RNF13: variants seen among roughly 807,000 people sequenced by gnomAD.
The protein encoded by RNF13 is ring finger protein 13.
In RNF13, 19 loss-of-function variants were observed where a neutral mutation model predicts 37.7. The observed-to-expected ratio is 0.50, with a 90% CI of 0.35 to 0.74. The LOEUF is 0.74. RNF13 is among the 30% of genes least tolerant of loss of function. The probability of loss-of-function intolerance (pLI) is 0.01; values close to 1 mark genes in which losing one functional copy is unlikely to be tolerated. For synonymous variants in RNF13, 144 were observed against 157.8 expected, an observed-to-expected ratio of 0.91 and a Z score of 0.65; for missense variants, 375 against 453.0, an observed-to-expected ratio of 0.83 and a Z score of 1.56.
chr3:149,932,770 C>G (rs578081568), intron 8 of RNF13, among the ~76,000 whole-genome samples: 17 of 152,340 alleles, frequency 1.1e-4, no homozygotes, highest in African/African-American at 4.1e-4. Flanking sequence ...CTTTTCAATG[C>G]TGAGGGTGCA....
chr3:149,948,426 T>C (rs1443633436), intron 8 of RNF13, among the ~76,000 whole-genome samples: 1 of 152,198 alleles, frequency 6.6e-6, no homozygotes, highest in African/African-American at 2.4e-5. Flanking sequence ...TACCGCTTTG[T>C]CTTTCCTCTC....
In RNF13 at chr3:149,961,156, G is replaced by GTAA. The variant is rs1559981494; in HGVS notation, c.*54_*56dup. On this transcript the variant is annotated 3_prime_UTR_variant, in exon 10 of 10. Transcript: ENST00000392894. Reference sequence around the variant, plus strand: ...CCTTTAAAATGATTAGGTATATACTGTAATTTGATTTTTTGCTCCCTTCAA... The same window carrying GTAA: ...CCTTTAAAATGATTAGGTATATACTGTAATAATTTGATTTTTTGCTCCCTTCAA... 6.7e-7 allele frequency: 1 copy of GTAA among 1,481,788 alleles called. No homozygotes were observed. Among genetic ancestry groups the GTAA allele is most frequent in the South Asian group, 1.3e-5 (1 of 74,356 alleles). 91.8% of individuals were successfully genotyped at this position (1,481,788 alleles called of 1,614,324 possible). A position where few individuals can be genotyped will look rare whatever the true frequency, so the allele number is the denominator to read the frequency against.
chr3:149,849,203 C>A (rs1269182652), intron 2 of RNF13, among the ~76,000 whole-genome samples: 2 of 152,194 alleles, frequency 1.3e-5, no homozygotes, highest in Non-Finnish European at 2.9e-5. Flanking sequence ...TTCTGAGACT[C>A]AGAGTCCACA....
Position 149,902,055 on chromosome 3 carries a change from A to C in RNF13, c.410-17A>C, listed in dbSNP as rs958807554. ...AATATGGGCTTTTAAGAATAATTTC[A>C]TTATTCTTTTATACAGTTGAGGTAC... On this transcript the variant is annotated splice_polypyrimidine_tract_variant and intron_variant, in intron 5 of 9. Coordinates refer to ENST00000392894, the MANE Select transcript of RNF13 (RefSeq NM_183381.3). 3 of 1,163,976 alleles carry C rather than the reference A, an allele frequency of 2.6e-6. No individual in the cohort carries two copies. The African/African-American group carries it at 4.8e-5, about 19-fold the overall frequency. The allele number at this position is 1,163,976 out of a possible 1,614,324, so 72.1% of individuals were successfully genotyped here.
intron 4 of RNF13, among the ~76,000 whole-genome samples, chr3:149,884,622 G>A (rs941920856): frequency 1.3e-5 from 2 of 151,466 alleles, no homozygotes; most frequent in African/African-American, 4.9e-5. Context: ...TAAAATTTTT[G>A]TGGGTACATA....
At position 149,845,996 on chromosome 3, in the gene RNF13, A is replaced by G. The variant is rs1176888727; in HGVS notation, c.-16-15A>G. The G allele has an allele frequency of 4.2e-6, 6 of 1,439,918 alleles. No homozygotes were observed. Among genetic ancestry groups the G allele is most frequent in the Non-Finnish European group, 5.8e-6 (6 of 1,026,340 alleles). The allele number at this position is 1,439,918 out of a possible 1,614,324, so 89.2% of individuals were successfully genotyped here. On this transcript the variant is annotated splice_polypyrimidine_tract_variant and intron_variant, in intron 1 of 9. Transcript: ENST00000392894. ...AAAGCACCAGCTCTCAGTTACTCAC[A>G]TCCTTGTCTTCCAGGTGATTTTACA...
At chr3:149,902,232 T>C in intron 6 of RNF13, 70 bp downstream of exon 6, 1 of 704,116 alleles carries the variant, frequency 1.4e-6, no homozygotes, top group East Asian at 3.3e-5. Context: ...TTATATAATA[T>C]TGTAATCAAG....
intron 8 of RNF13, among the ~76,000 whole-genome samples, chr3:149,953,664 G>T (rs1394234217): frequency 6.6e-6 from 1 of 152,112 alleles, no homozygotes; most frequent in Admixed American, 6.6e-5. Flanking sequence ...CAACATAACA[G>T]CTAAGACTGT....
intron 5 of RNF13, 101 bp downstream of exon 5, chr3:149,895,661 A>ATGAGAG: frequency 1.5e-6 from 1 of 688,262 alleles, no homozygotes; most frequent in Non-Finnish European, 2.4e-6. Flanking sequence ...TAAAAAGCAA[A>ATGAGAG]ATTTCTTCTC....
chr3:149,826,608 C>T (rs945938948), intron 1 of RNF13, among the ~76,000 whole-genome samples: 5 of 152,246 alleles, frequency 3.3e-5, no homozygotes, highest in African/African-American at 1.2e-4. Context: ...TTCTTCTAGT[C>T]TCCTGTATAT....
intron 6 of RNF13, among the ~76,000 whole-genome samples, chr3:149,911,488 T>G (rs1366921725): frequency 6.6e-6 from 1 of 151,984 alleles, no homozygotes; most frequent in African/African-American, 2.4e-5. Flanking sequence ...CAAAACCCTC[T>G]CTACTAATAA....
rs372974490 is a variant in RNF13, at chr3:149,843,898, G to T, written c.-16-2113G>T. 1.2e-4 allele frequency among the ~76,000 whole-genome samples: 18 copies of T among 152,326 alleles called. No homozygotes were observed. The East Asian group carries it at 1.7e-3, about 15-fold the overall frequency. ...ATTAAGTGAGTTAACTCAATAACAT[G>T]CTTACAGCAATGCCTGGCACTTAGT... On this transcript the variant is annotated intron_variant, in intron 1 of 9. Transcript: ENST00000392894.
chr3:149,857,783 A>T (rs968483375), intron 3 of RNF13, among the ~76,000 whole-genome samples: 3 of 152,044 alleles, frequency 2.0e-5, no homozygotes, highest in Admixed American at 2.0e-4. Context: ...GTAACGTATG[A>T]CTCTATTTTT....
chr3:149,884,027 G>A (rs1326833854), intron 4 of RNF13, among the ~76,000 whole-genome samples: 2 of 152,122 alleles, frequency 1.3e-5, no homozygotes, highest in East Asian at 3.9e-4. Context: ...AGAAGGACAT[G>A]ATCTCGTTCC....
chr3:149,841,509 A>G (rs902976422), intron 1 of RNF13, among the ~76,000 whole-genome samples: 4 of 152,228 alleles, frequency 2.6e-5, no homozygotes, highest in African/African-American at 9.6e-5. Context: ...CATGTGAATG[A>G]AGATATAATG....
At chr3:149,837,914 C>A (rs772357819) in intron 1 of RNF13, among the ~76,000 whole-genome samples, 5 of 152,176 alleles carry the variant, frequency 3.3e-5, no homozygotes. Flanking sequence ...TTCCTTCTGC[C>A]TATGTGCCTG....
chr3:149,894,577 C>G (rs1715047016), intron 4 of RNF13, among the ~76,000 whole-genome samples: 1 of 152,116 alleles, frequency 6.6e-6, no homozygotes, highest in Non-Finnish European at 1.5e-5. Flanking sequence ...CTCAAACACT[C>G]TGAGACATAC....
chr3:149,879,162 G>A (rs1713087487), intron 4 of RNF13, among the ~76,000 whole-genome samples: 1 of 152,116 alleles, frequency 6.6e-6, no homozygotes, highest in South Asian at 2.1e-4. Flanking sequence ...GGAAGACACA[G>A]TAAAAGTATC....
chr3:149,895,955 C>G (rs531009135), intron 5 of RNF13, among the ~76,000 whole-genome samples: 9 of 152,274 alleles, frequency 5.9e-5, no homozygotes, highest in Non-Finnish European at 1.3e-4. Context: ...AAGCCACATA[C>G]TTGTGCTTCC....
Sources: gnomAD v4.1 joint callset for allele counts (sites outside exome capture counted in the v4.1 genomes callset) on GRCh38, gnomAD v4.1.1 for gene constraint, MANE v1.5 for transcripts, NCBI Gene and HGNC (gene_info 2026-07-23, HGNC 2026-07-21) for gene names.